PLCB1: variants seen among roughly 807,000 people sequenced by gnomAD.
PLCB1 encodes phospholipase C beta 1.
A neutral mutation model predicts 161.8 loss-of-function variants in PLCB1; 46 were observed. That is an observed-to-expected ratio of 0.28 (90% CI 0.22 to 0.36). PLCB1 has a LOEUF of 0.36. Among genes scored for constraint, PLCB1 ranks in the 10% least tolerant of loss-of-function variants. The pLI is 1.00. For synonymous variants in PLCB1, 517 were observed against 503.7 expected (o/e 1.03, Z -0.35); for missense variants, 1,016 against 1,472.5 (o/e 0.69, Z 5.07).
intron 2 of PLCB1, among the ~76,000 whole-genome samples, chr20:8,261,050 A>G (rs1214834061): frequency 3.9e-5 from 6 of 152,138 alleles, no homozygotes; most frequent in Admixed American, 6.5e-5. Flanking sequence ...GAGGTCTCCA[A>G]GGGATCGGGT....
At chr20:8,792,835 C>G (rs6056121) in intron 31 of PLCB1, 327,179 of 351,914 alleles carry the variant, frequency 0.93, 153,070 homozygotes, top group East Asian at 1. Context: ...ACAATGACAA[C>G]AGGAGCAGCA....
At chr20:8,506,395 A>G (rs1394235175) in intron 3 of PLCB1, among the ~76,000 whole-genome samples, 2 of 152,198 alleles carry the variant, frequency 1.3e-5, no homozygotes, top group Non-Finnish European at 2.9e-5. Flanking sequence ...AATCATCTAT[A>G]TCAATCTTTT....
Position 8,315,765 on chromosome 20 carries a change from C to T in PLCB1, c.178-55617C>T, listed in dbSNP as rs1171651916. 2.6e-5 allele frequency among the ~76,000 whole-genome samples: 4 copies of T among 151,976 alleles called. No homozygotes were observed. The East Asian group carries it at 5.8e-4, about 22-fold the overall frequency. ...AGACAGCCAGCCAAGCCAAAATGAG[C>T]GTAGGCAAGGGAAAGAAGCCTGAGT... On this transcript the variant is annotated intron_variant, in intron 2 of 31. Coordinates refer to ENST00000338037, the MANE Select transcript of PLCB1 (RefSeq NM_015192.4).
intron 9 of PLCB1, among the ~76,000 whole-genome samples, chr20:8,666,015 C>T (rs752362576): frequency 2.0e-5 from 3 of 152,170 alleles, no homozygotes; most frequent in Non-Finnish European, 4.4e-5. Flanking sequence ...CTCTTCAGGG[C>T]CTTCTATCAG....
intron 4 of PLCB1, among the ~76,000 whole-genome samples, chr20:8,629,825 C>CTTT (rs11087813): frequency 1.4e-5 from 1 of 71,770 alleles, no homozygotes; most frequent in African/African-American, 5.6e-5. Flanking sequence ...TCTTTTCTTT[C>CTTT]TTTCTTTCTT....
chr20:8,560,965 G>C (rs1460072661), intron 3 of PLCB1, among the ~76,000 whole-genome samples: 1 of 151,920 alleles, frequency 6.6e-6, no homozygotes, highest in Non-Finnish European at 1.5e-5. Flanking sequence ...GGATAATTTA[G>C]GCTTGTAACT....
intron 3 of PLCB1, among the ~76,000 whole-genome samples, chr20:8,450,688 TAGCGAGG>T (rs1981034591): frequency 6.6e-6 from 1 of 152,218 alleles, no homozygotes; most frequent in South Asian, 2.1e-4. Context: ...ACTCTGTACT[TAGCGAGG>T]CATCTATCGG....
chr20:8,855,493 G>T (rs1399379168), intron 31 of PLCB1, among the ~76,000 whole-genome samples: 3 of 152,094 alleles, frequency 2.0e-5, no homozygotes, highest in Non-Finnish European at 4.4e-5. Context: ...GTGCTGTGAT[G>T]AATCACCTCA....
intron 3 of PLCB1, among the ~76,000 whole-genome samples, chr20:8,429,619 C>T (rs1258358002): frequency 6.6e-6 from 1 of 151,928 alleles, no homozygotes; most frequent in Non-Finnish European, 1.5e-5. Flanking sequence ...TATGAGTGTT[C>T]TGAGTGATAA....
At chr20:8,773,302 A>G (rs6039259) in intron 26 of PLCB1, among the ~76,000 whole-genome samples, 45,396 of 152,120 alleles carry the variant, frequency 0.3, 6,983 homozygotes, top group South Asian at 0.36. Context: ...TCTTTCGGGA[A>G]GGGATTCCAT....
chr20:8,691,505 G>T (rs1043931535), intron 10 of PLCB1, among the ~76,000 whole-genome samples: 8 of 152,026 alleles, frequency 5.3e-5, no homozygotes, highest in African/African-American at 1.9e-4. Flanking sequence ...AAAATAAAAG[G>T]ATCAGAGTCT....
chr20:8,721,975 A>G (rs1253406482), intron 14 of PLCB1, among the ~76,000 whole-genome samples: 3 of 152,140 alleles, frequency 2.0e-5, no homozygotes, highest in African/African-American at 7.2e-5. Flanking sequence ...GGGGTCATAG[A>G]GACCCTGAGA....
chr20:8,544,414 A>G (rs1985455523), intron 3 of PLCB1, among the ~76,000 whole-genome samples: 1 of 152,148 alleles, frequency 6.6e-6, no homozygotes, highest in South Asian at 2.1e-4. Context: ...GATAGATTCT[A>G]TTTTTGCCTC....
chr20:8,855,069 CAT>C (rs1428689454), intron 31 of PLCB1, among the ~76,000 whole-genome samples: 10 of 152,218 alleles, frequency 6.6e-5, no homozygotes, highest in South Asian at 2.1e-4. Flanking sequence ...GTAGCAAAAA[CAT>C]ATGATTAATA....
chr20:8,745,031 T>G (rs556651293), intron 23 of PLCB1, among the ~76,000 whole-genome samples: 1 of 152,296 alleles, frequency 6.6e-6, no homozygotes, highest in South Asian at 2.1e-4. Context: ...TGGACAGTAT[T>G]TGGACATTTT....
intron 2 of PLCB1, among the ~76,000 whole-genome samples, chr20:8,224,082 TAAA>T (rs1449330900): frequency 5.0e-4 from 76 of 152,336 alleles, no homozygotes; most frequent in African/African-American, 1.8e-3. Flanking sequence ...CTGCTTAATG[TAAA>T]ATAAACATGT....
chr20:8,319,980 A>G (rs1703139352), intron 2 of PLCB1, among the ~76,000 whole-genome samples: 5 of 152,122 alleles, frequency 3.3e-5, no homozygotes, highest in Admixed American at 3.3e-4. Context: ...CATGCACCCT[A>G]AAACTTAAAG....
rs375380118 is a variant in PLCB1, at chr20:8,346,831, CA to C, written c.178-24547del. 5.0e-3 allele frequency among the ~76,000 whole-genome samples: 761 copies of C among 152,208 alleles called. 8 individuals are homozygous for C. The highest frequency in any genetic ancestry group is 0.017 in the African/African-American group (709 of 41,530). On this transcript the variant is annotated intron_variant, in intron 2 of 31. Coordinates refer to ENST00000338037, the MANE Select transcript of PLCB1 (RefSeq NM_015192.4). ...TGTCTCTGGAAGGCTTCTTGAGTTCCAAAAGGCGATTTCCTTCCTCTCCAGA... is the reference window on the plus strand; with the variant it reads ...TGTCTCTGGAAGGCTTCTTGAGTTCCAAAGGCGATTTCCTTCCTCTCCAGA...
chr20:8,455,458 G>GTTTT (rs1981270534), intron 3 of PLCB1, among the ~76,000 whole-genome samples: 1 of 22,742 alleles, frequency 4.4e-5, no homozygotes, highest in African/African-American at 1.5e-4. Context: ...TTTTTTTTTT[G>GTTTT]GAGACGGAGT....
Sources: gnomAD v4.1 joint callset for allele counts (sites outside exome capture counted in the v4.1 genomes callset) on GRCh38, gnomAD v4.1.1 for gene constraint, MANE v1.5 for transcripts, NCBI Gene and HGNC (gene_info 2026-07-23, HGNC 2026-07-21) for gene names.